UGGT2: variants seen among roughly 807,000 people sequenced by gnomAD.
UGGT2 encodes the protein UDP-glucose glycoprotein glucosyltransferase 2, also known as UDP-glucose:glycoprotein glucosyltransferase 2.
In UGGT2, 180 loss-of-function variants were observed where a neutral mutation model predicts 192.1. The ratio of observed to expected loss-of-function variants is 0.94; its 90% CI spans 0.83 to 1.06. The LOEUF is 1.06. UGGT2 is among the 50% of genes least tolerant of loss of function. The pLI is 0.00. For missense variants in UGGT2, 1,849 were observed against 1,795.7 expected, an observed-to-expected ratio of 1.03 and a Z score of -0.54; for synonymous variants, 580 against 591.0, an observed-to-expected ratio of 0.98 and a Z score of 0.27.
At chr13:95,956,561 T>C (rs189809130) in intron 12 of UGGT2, among the ~76,000 whole-genome samples, 1 of 152,332 alleles carries the variant, frequency 6.6e-6, no homozygotes, top group Admixed American at 6.5e-5. Flanking sequence ...TATGAATCAA[T>C]GCTCAACATC....
In UGGT2 at chr13:95,830,894, A is replaced by C. The variant is rs552972150; in HGVS notation, c.4528+2033T>G. Among the ~76,000 whole-genome samples the C allele has an allele frequency of 5.3e-5, 8 of 152,302 alleles. No individual in the cohort carries two copies. The South Asian group carries it at 8.3e-4, about 16-fold the overall frequency. On this transcript the variant is annotated intron_variant, in intron 38 of 38. Transcript: ENST00000376747. ...GAACCAACCCAAATGTCCAAAAATG[A>C]TAGACTGGATTAAGAAAATGTGGCA...
intron 36 of UGGT2, among the ~76,000 whole-genome samples, chr13:95,846,417 G>C (rs1216757941): frequency 6.6e-6 from 1 of 150,674 alleles, no homozygotes; most frequent in Admixed American, 6.6e-5. Flanking sequence ...AGACCGTGCA[G>C]AGGGGAGGAG....
chr13:95,924,479 T>C (rs9525084), intron 20 of UGGT2, among the ~76,000 whole-genome samples: 1 of 143,686 alleles, frequency 7.0e-6, no homozygotes, highest in Non-Finnish European at 1.5e-5. Context: ...TCTGACATGG[T>C]GTAATATGAA....
chr13:95,900,967 T>G, intron 21 of UGGT2, 29 bp from the exon 22 acceptor site: 1 of 1,477,426 alleles, frequency 6.8e-7, no homozygotes, highest in Non-Finnish European at 9.0e-7. Flanking sequence ...CTGATGAAAC[T>G]AATATGAGAA....
At chr13:95,941,252 T>G (rs539177981) in intron 15 of UGGT2, among the ~76,000 whole-genome samples, 2 of 152,356 alleles carry the variant, frequency 1.3e-5, no homozygotes, top group Non-Finnish European at 2.9e-5. Flanking sequence ...AATTTACTTA[T>G]GTCATTATTG....
rs900618213 is a variant in UGGT2 at position 96,041,429 on chromosome 13, C to T, written c.159-9458G>A. ...GGCTGCCAGAGGTACTGGGAAGAGG[C>T]CACAGGGAGAAGGAAACCTCCAGCT... On this transcript the variant is annotated intron_variant, in intron 1 of 38. Coordinates refer to ENST00000376747, the MANE Select transcript of UGGT2 (RefSeq NM_020121.4). 7.9e-5 allele frequency among the ~76,000 whole-genome samples: 12 copies of T among 152,252 alleles called. No homozygotes were observed. The South Asian group carries it at 2.1e-3, about 26-fold the overall frequency.
At chr13:95,877,132 TC>T (rs750526810) in intron 29 of UGGT2, 146 bp downstream of exon 29, 14 of 563,378 alleles carry the variant, frequency 2.5e-5, no homozygotes, top group Non-Finnish European at 4.2e-5. Context: ...TCTGCCTGCC[TC>T]GGCCTACCAA....
chr13:95,974,844 G>A (rs2050886633), intron 10 of UGGT2, among the ~76,000 whole-genome samples: 1 of 152,144 alleles, frequency 6.6e-6, no homozygotes. Flanking sequence ...CACTTTGGGA[G>A]GCTGAGGCTG....
At chr13:95,845,635 C>T (rs541627324) in intron 36 of UGGT2, among the ~76,000 whole-genome samples, 23 of 152,020 alleles carry the variant, frequency 1.5e-4, no homozygotes, top group Middle Eastern at 3.4e-3. Context: ...CTTTTCTATT[C>T]GACAAAACCG....
intron 36 of UGGT2, among the ~76,000 whole-genome samples, chr13:95,850,711 G>A (rs1014186946): frequency 9.9e-5 from 15 of 152,164 alleles, no homozygotes; most frequent in African/African-American, 3.4e-4. Flanking sequence ...AGACCAATCA[G>A]CTGTTTGATG....
intron 20 of UGGT2, among the ~76,000 whole-genome samples, chr13:95,911,963 T>G (rs146254278): frequency 0.017 from 2,518 of 152,246 alleles, 69 homozygotes; most frequent in African/African-American, 0.058. Context: ...ATCCATCATA[T>G]AAACAGAATC....
At chr13:95,970,981 T>C (rs1292021972) in intron 11 of UGGT2, among the ~76,000 whole-genome samples, 1 of 152,186 alleles carries the variant, frequency 6.6e-6, no homozygotes, top group Non-Finnish European at 1.5e-5. Context: ...CAAAGTCACA[T>C]GTTCTTACTG....
intron 38 of UGGT2, among the ~76,000 whole-genome samples, chr13:95,828,380 G>A (rs995393068): frequency 1.3e-5 from 2 of 152,078 alleles, no homozygotes; most frequent in South Asian, 4.1e-4. Context: ...ATGAATTCAG[G>A]AGCTGGTTTT....
At chr13:95,864,084 A>G (rs1890417258) in intron 30 of UGGT2, among the ~76,000 whole-genome samples, 1 of 151,838 alleles carries the variant, frequency 6.6e-6, no homozygotes, top group South Asian at 2.1e-4. Context: ...CCCTTTCCCT[A>G]TTTGTCTGGA....
At chr13:95,844,652 G>A (rs952833318) in intron 36 of UGGT2, among the ~76,000 whole-genome samples, 3 of 152,156 alleles carry the variant, frequency 2.0e-5, no homozygotes, top group African/African-American at 7.2e-5. Context: ...TTTGTGAAAT[G>A]CAGTTATTAG....
chr13:95,806,253 C>A (rs1466181986), intron 38 of UGGT2, among the ~76,000 whole-genome samples: 1 of 152,078 alleles, frequency 6.6e-6, no homozygotes, highest in Non-Finnish European at 1.5e-5. Flanking sequence ...GCTGGTCAGG[C>A]AGGAATATGG....
intron 10 of UGGT2, among the ~76,000 whole-genome samples, chr13:95,975,257 CA>C (rs1381103417): frequency 6.6e-6 from 1 of 152,106 alleles, no homozygotes; most frequent in Non-Finnish European, 1.5e-5. Flanking sequence ...TTTTAAGGGC[CA>C]ATCTCAGAAG....
At position 95,837,099 on chromosome 13, in the gene UGGT2, T is replaced by G; in HGVS notation, c.4388A>C (p.Lys1463Thr). The G allele has an allele frequency of 6.2e-7, 1 of 1,612,424 alleles. No homozygotes were observed. The change falls in exon 37 of 39, where the codon AAA (lysine) becomes ACA (threonine). Residue 1463 changes from lysine (K) to threonine (T), a missense_variant. Lys to Thr is a moderately conservative substitution (Grantham distance 78, BLOSUM62 -1). Coordinates refer to ENST00000376747, the MANE Select transcript of UGGT2 (RefSeq NM_020121.4). Reference sequence around the variant, plus strand: ...AAAGACACTCACCAGATCAATTGTTTTGGCTCTTTGTTTGGATTCATCATC... The same window carrying G: ...AAAGACACTCACCAGATCAATTGTTGTGGCTCTTTGTTTGGATTCATCATC... ...WCDDESKQRA[K>T]TIDLCNNPKT...
chr13:95,940,366 CCT>C (rs1303851355), intron 15 of UGGT2, among the ~76,000 whole-genome samples: 5 of 151,518 alleles, frequency 3.3e-5, no homozygotes, highest in Non-Finnish European at 4.4e-5. Context: ...ATAATGATTA[CCT>C]TTTTTAATGT....
Sources: allele counts gnomAD v4.1 joint callset (sites outside exome capture counted in the v4.1 genomes callset), GRCh38; gene constraint gnomAD v4.1.1; transcripts MANE v1.5; gene names NCBI Gene and HGNC (gene_info 2026-07-23, HGNC 2026-07-21).